UXS1: variants seen among roughly 807,000 people sequenced by gnomAD.
The protein encoded by UXS1 is UDP-glucuronic acid decarboxylase 1.
A neutral mutation model predicts 62.6 loss-of-function variants in UXS1; 33 were observed. That is an observed-to-expected ratio of 0.53 (90% CI 0.40 to 0.70). The LOEUF (loss-of-function observed/expected upper bound fraction) is 0.70. UXS1 is among the 30% of genes least tolerant of loss of function. UXS1 has a pLI of 0.00. For missense variants in UXS1, 434 were observed against 556.3 expected (o/e 0.78, Z 2.21); for synonymous variants, 213 against 206.8 (o/e 1.03, Z -0.26).
At chr2:106,156,651 C>T (rs1192273524) in intron 5 of UXS1, among the ~76,000 whole-genome samples, 1 of 152,170 alleles carries the variant, frequency 6.6e-6, no homozygotes, top group African/African-American at 2.4e-5. Flanking sequence ...CCACACACAT[C>T]CGCCTGTATA....
chr2:106,128,574 C>T (rs1400970031), intron 7 of UXS1, among the ~76,000 whole-genome samples: 1 of 152,158 alleles, frequency 6.6e-6, no homozygotes, highest in African/African-American at 2.4e-5. Context: ...CACAGAACAT[C>T]GATCTGCCCT....
At chr2:106,100,972 T>G (rs756812688) in intron 12 of UXS1, 86 bp downstream of exon 12, 4 of 1,535,824 alleles carry the variant, frequency 2.6e-6, no homozygotes, top group South Asian at 1.1e-5. Flanking sequence ...CGATGGCAAA[T>G]GAAGCAAAGC....
At chr2:106,187,735 T>A (rs1415793681) in intron 1 of UXS1, among the ~76,000 whole-genome samples, 3 of 151,430 alleles carry the variant, frequency 2.0e-5, no homozygotes, top group African/African-American at 7.3e-5. Context: ...GTCACAACTG[T>A]AATTTCCTTT....
chr2:106,098,757 T>C lies in UXS1; in HGVS notation c.1001A>G (p.His334Arg), dbSNP rs780700429. ...TAACTGAGCAAATTCTAGGATTGTG[T>C]GTTCTTCTGGGTTCCCCTAAGAAAG... The part of the protein sequence containing the change: ...SPVNLGNPEE[H>R]TILEFAQLIK... The change falls in exon 13 of 15, where the codon CAC becomes CGC. Residue 334 changes from histidine (H) to arginine (R), a missense_variant. His to Arg is a conservative substitution (Grantham distance 29, BLOSUM62 0). Transcript: ENST00000283148. The C allele has an allele frequency of 6.2e-7, 1 of 1,612,228 alleles. No individual in the cohort carries two copies. The highest frequency in any genetic ancestry group is 8.5e-7 in the Non-Finnish European group (1 of 1,179,074).
intron 5 of UXS1, among the ~76,000 whole-genome samples, chr2:106,156,583 C>T (rs1438083952): frequency 6.6e-6 from 1 of 152,142 alleles, no homozygotes; most frequent in Non-Finnish European, 1.5e-5. Flanking sequence ...CACCCCCATA[C>T]CTAAACGCAA....
intron 10 of UXS1, among the ~76,000 whole-genome samples, chr2:106,106,825 T>C (rs141547655): frequency 2.9e-3 from 435 of 152,246 alleles, no homozygotes; most frequent in African/African-American, 7.3e-3. Context: ...GCCGTAGGTG[T>C]AACTCTTTTT....
chr2:106,098,324 CAG>C (rs766736675), intron 13 of UXS1, among the ~76,000 whole-genome samples: 48 of 152,364 alleles, frequency 3.2e-4, no homozygotes, highest in Non-Finnish European at 4.1e-4. Context: ...GAATTGCAAA[CAG>C]AATTTCAAAC....
At chr2:106,164,711 A>T in intron 3 of UXS1, 25 bp downstream of exon 3, 1 of 1,507,998 alleles carries the variant, frequency 6.6e-7, no homozygotes, top group Non-Finnish European at 9.0e-7. Context: ...GATGAAATAG[A>T]TACAAAAATA....
intron 11 of UXS1, among the ~76,000 whole-genome samples, chr2:106,103,331 T>A (rs1295330202): frequency 1.3e-5 from 2 of 152,212 alleles, no homozygotes; most frequent in Non-Finnish European, 2.9e-5. Context: ...CTCATTGATA[T>A]TCCATGTGGT....
At chr2:106,111,031 T>C (rs996150359) in intron 10 of UXS1, among the ~76,000 whole-genome samples, 6 of 152,198 alleles carry the variant, frequency 3.9e-5, no homozygotes, top group African/African-American at 1.4e-4. Context: ...GCAACAGGGC[T>C]GTGTCCCGTG....
chr2:106,124,969 G>A (rs1679809854), intron 8 of UXS1, among the ~76,000 whole-genome samples: 2 of 152,178 alleles, frequency 1.3e-5, no homozygotes, highest in African/African-American at 4.8e-5. Flanking sequence ...GGCTTCCGCT[G>A]TATCAGCTAA....
At chr2:106,117,823 C>G in intron 9 of UXS1, among the ~76,000 whole-genome samples, 1 of 152,246 alleles carries the variant, frequency 6.6e-6, no homozygotes, top group East Asian at 1.9e-4. Context: ...GTTCTGCTCC[C>G]TACCTGTGGA....
intron 13 of UXS1, among the ~76,000 whole-genome samples, chr2:106,098,233 C>G (rs1376087527): frequency 2.6e-5 from 4 of 152,244 alleles, no homozygotes; most frequent in Non-Finnish European, 5.9e-5. Flanking sequence ...AAGACCTGAC[C>G]TTCTCATGGC....
At chr2:106,094,804 A>T (rs1339010824) in intron 14 of UXS1, among the ~76,000 whole-genome samples, 1 of 152,244 alleles carries the variant, frequency 6.6e-6, no homozygotes, top group African/African-American at 2.4e-5. Flanking sequence ...AGGTGAAGGG[A>T]GGCACTGCTA....
At chr2:106,126,321 G>A (rs187823951) in intron 7 of UXS1, among the ~76,000 whole-genome samples, 1 of 152,234 alleles carries the variant, frequency 6.6e-6, no homozygotes, top group East Asian at 1.9e-4. Flanking sequence ...CAGAGTCCCA[G>A]TGTACAGTGG....
chr2:106,194,099 C>A, intron 1 of UXS1, 49 bp downstream of exon 1: 1 of 1,399,816 alleles, frequency 7.1e-7, no homozygotes, highest in Non-Finnish European at 9.4e-7. Context: ...CCCACCGCGG[C>A]GCCGGGGAAT....
intron 3 of UXS1, 151 bp downstream of exon 3, chr2:106,164,585 C>T: frequency 1.7e-6 from 1 of 578,696 alleles, no homozygotes; most frequent in Non-Finnish European, 3.0e-6. Context: ...GACTGCATGT[C>T]CTCTTAAATA....
chr2:106,109,982 T>C (rs774116620), intron 10 of UXS1, among the ~76,000 whole-genome samples: 11 of 152,202 alleles, frequency 7.2e-5, no homozygotes, highest in Non-Finnish European at 1.3e-4. Flanking sequence ...GCCGAGTGTT[T>C]CTAAAGACAG....
At chr2:106,098,590 A>G (rs753441013) in intron 13 of UXS1, 126 bp downstream of exon 13, 24 of 753,604 alleles carry the variant, frequency 3.2e-5, no homozygotes, top group Non-Finnish European at 5.3e-5. Context: ...AGTATTCCTG[A>G]TAAAAAGTTC....
Sources: allele counts gnomAD v4.1 joint callset (sites outside exome capture counted in the v4.1 genomes callset), GRCh38; gene constraint gnomAD v4.1.1; transcripts MANE v1.5; gene names NCBI Gene and HGNC (gene_info 2026-07-23, HGNC 2026-07-21).